TJP2: variants seen among roughly 807,000 people sequenced by gnomAD.
TJP2 encodes the protein Friedreich ataxia region gene X104 (tight junction protein ZO-2).
TJP2 carries 91 observed loss-of-function variants against 133.1 expected under a neutral mutation model. The observed-to-expected ratio is 0.68, with a 90% confidence interval of 0.58 to 0.81. The LOEUF (loss-of-function observed/expected upper bound fraction) is 0.81, where lower values mean the gene tolerates loss of function less well. Among genes scored for constraint, TJP2 ranks in the 40% least tolerant of loss-of-function variants. TJP2 has a pLI of 0.00. For synonymous variants in TJP2, 592 were observed against 583.4 expected, an observed-to-expected ratio of 1.01 and a Z score of -0.21; for missense variants, 1,541 against 1,565.6, an observed-to-expected ratio of 0.98 and a Z score of 0.26.
intron 20 of TJP2, 144 bp downstream of exon 20, chr9:69,249,629 T>C: frequency 6.6e-7 from 1 of 1,521,370 alleles, no homozygotes; most frequent in Non-Finnish European, 8.8e-7. Context: ...GAGCCTATCT[T>C]TTGGCCTGTT....
At chr9:69,169,384 GT>G (rs1824555250), upstream of TJP2, among the ~76,000 whole-genome samples, 1 of 144,712 alleles carries the variant, frequency 6.9e-6, no homozygotes, top group African/African-American at 2.6e-5. Flanking sequence ...GGGGGATGGA[GT>G]TTCACTCTTG....
At chr9:69,163,186 C>T (rs1239588837) in intron 2 of TJP2, among the ~76,000 whole-genome samples, 1 of 106,748 alleles carries the variant, frequency 9.4e-6, no homozygotes, top group East Asian at 3.7e-4. Flanking sequence ...CCACTACGCC[C>T]GGCTAATTTT....
chr9:69,219,482 CA>C (rs1438496075), intron 4 of TJP2, among the ~76,000 whole-genome samples: 5 of 152,204 alleles, frequency 3.3e-5, no homozygotes, highest in African/African-American at 1.2e-4. Flanking sequence ...CTACTTACTT[CA>C]CATGCATTTC....
At chr9:69,139,224 C>A (rs778040888) in intron 1 of TJP2, among the ~76,000 whole-genome samples, 3 of 152,252 alleles carry the variant, frequency 2.0e-5, no homozygotes, top group Non-Finnish European at 4.4e-5. Flanking sequence ...CTCAAAAAAA[C>A]CAACCAACCA....
intron 1 of TJP2, among the ~76,000 whole-genome samples, chr9:69,191,602 T>C (rs1223140010): frequency 6.6e-6 from 1 of 152,224 alleles, no homozygotes; most frequent in Admixed American, 6.5e-5. Flanking sequence ...GTTAGCTGTT[T>C]CCAGACCTTT....
At chr9:69,228,993 C>T (rs577892145) in intron 9 of TJP2, among the ~76,000 whole-genome samples, 191 bp from the exon 10 acceptor site, 1 of 151,982 alleles carries the variant, frequency 6.6e-6, no homozygotes, top group African/African-American at 2.4e-5. Flanking sequence ...CATTTTTTAT[C>T]TCTTGTATTT....
intron 1 of TJP2, among the ~76,000 whole-genome samples, chr9:69,210,520 C>T (rs1365800488): frequency 1.3e-5 from 2 of 152,130 alleles, no homozygotes; most frequent in Non-Finnish European, 2.9e-5. Context: ...ACAGTCGTCA[C>T]AGTGAACAGA....
intron 2 of TJP2, among the ~76,000 whole-genome samples, chr9:69,162,121 T>A (rs1824107264): frequency 6.8e-6 from 1 of 148,084 alleles, no homozygotes; most frequent in South Asian, 2.1e-4. Context: ...ATAAATATAA[T>A]TTTTATATAT....
At chr9:69,209,977 A>G (rs1406280291) in intron 1 of TJP2, among the ~76,000 whole-genome samples, 2 of 151,974 alleles carry the variant, frequency 1.3e-5, no homozygotes, top group African/African-American at 4.8e-5. Flanking sequence ...CACGAATTTG[A>G]TACAAACTTT....
intron 1 of TJP2, among the ~76,000 whole-genome samples, chr9:69,148,535 T>TG (rs1554769938): frequency 6.6e-6 from 1 of 151,634 alleles, no homozygotes; most frequent in Admixed American, 6.6e-5. Context: ...CATGCCTAGC[T>TG]ATTTTTGTAT....
intron 1 of TJP2, among the ~76,000 whole-genome samples, chr9:69,185,881 C>T (rs1295186498): frequency 3.7e-5 from 5 of 135,446 alleles, no homozygotes; most frequent in Admixed American, 1.5e-4. Flanking sequence ...TAATGTAGTC[C>T]TTTTTTTTTT....
chr9:69,235,302 T>C (rs1830096579), intron 12 of TJP2, among the ~76,000 whole-genome samples: 1 of 49,698 alleles, frequency 2.0e-5, no homozygotes, highest in Non-Finnish European at 3.8e-5. Context: ...ATTTTTTATT[T>C]ATTTATTTAT....
chr9:69,207,339 T>C (rs1432453833), intron 1 of TJP2, among the ~76,000 whole-genome samples: 1 of 152,212 alleles, frequency 6.6e-6, no homozygotes, highest in African/African-American at 2.4e-5. Flanking sequence ...GTTTTTTTGC[T>C]CAACTTTATG....
At chr9:69,227,451 C>T (rs1291260476) in intron 7 of TJP2, among the ~76,000 whole-genome samples, 1 of 152,186 alleles carries the variant, frequency 6.6e-6, no homozygotes, top group Non-Finnish European at 1.5e-5. Flanking sequence ...AAGCATTGGG[C>T]TGCTTGGGAA....
At chr9:69,212,498 A>G (rs1440553447) in intron 1 of TJP2, 50 bp from the exon 2 acceptor site, 5 of 1,354,878 alleles carry the variant, frequency 3.7e-6, no homozygotes, top group Non-Finnish European at 5.3e-6. Flanking sequence ...TATTTCTAGC[A>G]TTGAAAAGGT....
chr9:69,127,946 G>A lies in TJP2; in HGVS notation c.-131+6221G>A, dbSNP rs1489912373. ...TTTTTTTGAGTCAGGATCTTGCTCT[G>A]TTGCCCAGGCTGGAGTGCAGTGGCA... On this transcript the variant is annotated intron_variant, in intron 1 of 5. Transcript: ENST00000423935. Among the ~76,000 whole-genome samples the A allele has an allele frequency of 3.1e-4, 22 of 71,396 alleles. 9 individuals are homozygous for A. The highest frequency in any genetic ancestry group is 2.8e-4 in the Non-Finnish European group (9 of 31,798). 46.8% of individuals were successfully genotyped at this position (71,396 alleles called of 152,430 possible).
At chr9:69,223,468 C>T (rs569826816) in intron 5 of TJP2, among the ~76,000 whole-genome samples, 5 of 152,188 alleles carry the variant, frequency 3.3e-5, no homozygotes, top group South Asian at 2.1e-4. Context: ...CCACCACACC[C>T]GGCTAATTTT....
rs1334228546 is a variant in TJP2 at position 69,237,129 on chromosome 9, G to T, written c.2172G>T (p.Leu724=). 11 of 1,614,072 alleles carry T rather than the reference G, an allele frequency of 6.8e-6. No homozygotes were observed. Among genetic ancestry groups the T allele is most frequent in the Non-Finnish European group, 9.3e-6 (11 of 1,179,974 alleles). ...TKFPAYERVL[L]REAGFKRPVV... is the part of the protein sequence containing the mutation. The stretch of plus-strand genomic sequence containing the variant: ...TCCCAGCTTATGAGAGGGTTTTGCT[G>T]CGAGAAGGTGAGGAAGTCACATGGG... Residue 724 remains leucine, a synonymous_variant, in exon 14 of 23, where the codon CTG becomes CTT. Coordinates refer to ENST00000377245, the MANE Select transcript of TJP2 (RefSeq NM_004817.4).
At chr9:69,157,833 T>C (rs1412877342) in intron 2 of TJP2, among the ~76,000 whole-genome samples, 1 of 152,192 alleles carries the variant, frequency 6.6e-6, no homozygotes, top group African/African-American at 2.4e-5. Flanking sequence ...TGTGCTTTTT[T>C]ACTCATGAAC....
Sources: allele counts gnomAD v4.1 joint callset (sites outside exome capture counted in the v4.1 genomes callset), GRCh38; gene constraint gnomAD v4.1.1; transcripts MANE v1.5; gene names NCBI Gene and HGNC (gene_info 2026-07-23, HGNC 2026-07-21).